WDPCP: variants seen among roughly 807,000 people sequenced by gnomAD.
The protein encoded by WDPCP is WD repeat containing planar cell polarity effector.
Under a neutral mutation model 93.1 loss-of-function variants are expected in WDPCP, and 71 were observed. The ratio of observed to expected loss-of-function variants is 0.76; its 90% CI spans 0.63 to 0.93. The LOEUF (loss-of-function observed/expected upper bound fraction) is 0.93, where lower values mean the gene tolerates loss of function less well. Among genes scored for constraint, WDPCP ranks in the 40% least tolerant of loss-of-function variants. The pLI is 0.00. For synonymous variants in WDPCP, 315 were observed against 315.0 expected (o/e 1.00, Z 0.00); for missense variants, 844 against 887.4 (o/e 0.95, Z 0.62).
At chr2:63,222,103 CAG>C (rs1677888728) in intron 14 of WDPCP, among the ~76,000 whole-genome samples, 1 of 152,110 alleles carries the variant, frequency 6.6e-6, no homozygotes, top group Non-Finnish European at 1.5e-5. Context: ...TGTGCCTGGA[CAG>C]AGACTCATAT....
intron 14 of WDPCP, among the ~76,000 whole-genome samples, chr2:63,221,368 G>A (rs1174747750): frequency 6.6e-6 from 1 of 152,158 alleles, no homozygotes; most frequent in Non-Finnish European, 1.5e-5. Flanking sequence ...AATAGGCTGT[G>A]GGGAAGTTAA....
chr2:63,281,624 C>A (rs1683557401), intron 13 of WDPCP, among the ~76,000 whole-genome samples: 1 of 152,084 alleles, frequency 6.6e-6, no homozygotes, highest in South Asian at 2.1e-4. Flanking sequence ...TATATATATA[C>A]TATGGAATAC....
chr2:63,209,329 G>A (rs773163997), intron 14 of WDPCP, among the ~76,000 whole-genome samples: 6 of 152,206 alleles, frequency 3.9e-5, no homozygotes, highest in Non-Finnish European at 8.8e-5. Context: ...GGTAGGAACA[G>A]TAGGAATCTT....
chr2:63,180,980 G>C (rs543625438), intron 14 of WDPCP, among the ~76,000 whole-genome samples: 11 of 152,106 alleles, frequency 7.2e-5, no homozygotes, highest in African/African-American at 2.6e-4. Flanking sequence ...GTTTTCTTTT[G>C]AAAAAATATT....
intron 2 of WDPCP, among the ~76,000 whole-genome samples, chr2:63,787,171 T>C (rs908260312): frequency 3.3e-5 from 5 of 152,162 alleles, no homozygotes; most frequent in Admixed American, 6.5e-5. Context: ...ATTATGGTAT[T>C]TGTGATTTTA....
At chr2:63,740,304 G>A (rs1253304178) in intron 2 of WDPCP, among the ~76,000 whole-genome samples, 1 of 152,048 alleles carries the variant, frequency 6.6e-6, no homozygotes, top group African/African-American at 2.4e-5. Context: ...ACTTCTATTA[G>A]ATGTGTATCA....
intron 2 of WDPCP, among the ~76,000 whole-genome samples, chr2:63,746,451 A>G (rs906369560): frequency 6.6e-6 from 1 of 152,162 alleles, no homozygotes; most frequent in African/African-American, 2.4e-5. Flanking sequence ...AAGGGAGATA[A>G]CCTTAAAGTC....
In WDPCP at chr2:63,489,905, C is replaced by T. The variant is rs149909110; in HGVS notation, c.161-2411G>A. Among the ~76,000 whole-genome samples, 116 of 151,738 alleles carry T rather than the reference C, an allele frequency of 7.6e-4. 2 individuals are homozygous for T. In the East Asian group the frequency reaches 0.019, roughly 25 times the overall value. On this transcript the variant is annotated intron_variant, in intron 2 of 17. Coordinates refer to ENST00000272321, the MANE Select transcript of WDPCP (RefSeq NM_015910.7). ...GAAAGTAACTTTGCAGTGGAGAAGCCGAGCAGACACTATCTTATCAGGTAA... is the reference window on the plus strand; with the variant it reads ...GAAAGTAACTTTGCAGTGGAGAAGCTGAGCAGACACTATCTTATCAGGTAA...
At chr2:63,313,098 A>T in intron 13 of WDPCP, 150 bp downstream of exon 13, 2 of 705,878 alleles carry the variant, frequency 2.8e-6, no homozygotes, top group Non-Finnish European at 5.0e-6. Context: ...GACCAGTTTC[A>T]CGAAAGCAAA....
At chr2:63,393,389 G>C (rs1034588190) in intron 10 of WDPCP, among the ~76,000 whole-genome samples, 1 of 151,990 alleles carries the variant, frequency 6.6e-6, no homozygotes, top group Admixed American at 6.6e-5. Flanking sequence ...CTGTCAGCGG[G>C]TGGGGGGCTA....
At chr2:63,212,612 T>C (rs1455731747) in intron 14 of WDPCP, among the ~76,000 whole-genome samples, 1 of 152,012 alleles carries the variant, frequency 6.6e-6, no homozygotes, top group Non-Finnish European at 1.5e-5. Flanking sequence ...AATTCACACA[T>C]AACAATATTA....
At position 63,178,504 on chromosome 2, in the gene WDPCP, A is replaced by G. The variant is rs568200938; in HGVS notation, c.1916-3672T>C. Among the ~76,000 whole-genome samples the G allele has an allele frequency of 1.1e-4, 16 of 152,264 alleles. No homozygotes were observed. The East Asian group carries it at 3.1e-3, about 29-fold the overall frequency. The stretch of plus-strand genomic sequence containing the variant: ...AGTTTGTTGGCATATGACTGTTTGT[A>G]ATATTCTCTTACAACCCTCTTTATT... On this transcript the variant is annotated intron_variant, in intron 14 of 17. Coordinates refer to ENST00000272321, the MANE Select transcript of WDPCP (RefSeq NM_015910.7).
chr2:63,676,948 A>G (rs1289113612), intron 2 of WDPCP, among the ~76,000 whole-genome samples: 1 of 152,208 alleles, frequency 6.6e-6, no homozygotes, highest in Admixed American at 6.5e-5. Flanking sequence ...GCTTTAGGGA[A>G]GGGCTACGTG....
intron 17 of WDPCP, among the ~76,000 whole-genome samples, chr2:63,147,117 G>A (rs1671570783): frequency 6.6e-6 from 1 of 152,158 alleles, no homozygotes; most frequent in South Asian, 2.1e-4. Flanking sequence ...AGAGTGGCAG[G>A]AAATAAAACT....
intron 12 of WDPCP, among the ~76,000 whole-genome samples, chr2:63,363,691 TTTTA>T: frequency 6.6e-6 from 1 of 152,276 alleles, no homozygotes; most frequent in Non-Finnish European, 1.5e-5. Flanking sequence ...CCTGACCATA[TTTTA>T]TTTTCTATAA....
intron 2 of WDPCP, among the ~76,000 whole-genome samples, chr2:63,666,107 T>A (rs961379469): frequency 1.3e-5 from 2 of 152,344 alleles, no homozygotes; most frequent in African/African-American, 2.4e-5. Flanking sequence ...AAGACATAAT[T>A]TTAGATACTA....
chr2:63,818,939 A>G (rs1670977805), intron 1 of WDPCP, among the ~76,000 whole-genome samples: 1 of 152,198 alleles, frequency 6.6e-6, no homozygotes, highest in Non-Finnish European at 1.5e-5. Context: ...GTGTAACAAT[A>G]ACACATATAA....
intron 2 of WDPCP, among the ~76,000 whole-genome samples, chr2:63,713,584 G>A (rs1669292582): frequency 6.6e-6 from 1 of 152,188 alleles, no homozygotes; most frequent in Non-Finnish European, 1.5e-5. Flanking sequence ...TAACAGAGTA[G>A]CAGTTTCTGG....
intron 13 of WDPCP, among the ~76,000 whole-genome samples, chr2:63,294,713 C>G (rs892407925): frequency 3.9e-5 from 6 of 151,932 alleles, no homozygotes; most frequent in South Asian, 4.2e-4. Context: ...GGGCACTAGA[C>G]AGCTACTCAA....
Sources: allele counts gnomAD v4.1 joint callset (sites outside exome capture counted in the v4.1 genomes callset), GRCh38; gene constraint gnomAD v4.1.1; transcripts MANE v1.5; gene names NCBI Gene and HGNC (gene_info 2026-07-23, HGNC 2026-07-21).